IL1RAPL2: variants seen among roughly 807,000 people sequenced by gnomAD.
The protein encoded by IL1RAPL2 is interleukin 1 receptor accessory protein like 2, also known as X-linked interleukin-1 receptor accessory protein-like 2.
Under a neutral mutation model 44.1 loss-of-function variants are expected in IL1RAPL2, and 3 were observed. That is an observed-to-expected ratio of 0.07 (90% confidence interval 0.03 to 0.18). The LOEUF (loss-of-function observed/expected upper bound fraction) is 0.18, where lower values mean the gene tolerates loss of function less well. Among genes scored for constraint, IL1RAPL2 ranks in the 10% least tolerant of loss-of-function variants. IL1RAPL2 has a pLI of 1.00. For synonymous variants in IL1RAPL2, 181 were observed against 178.8 expected (o/e 1.01, Z -0.10); for missense variants, 391 against 496.4 (o/e 0.79, Z 2.02).
chrX:105,710,854 C>A (rs919571262), intron 6 of IL1RAPL2, among the ~76,000 whole-genome samples: 43 of 107,588 alleles, frequency 4.0e-4, no homozygotes, highest in African/African-American at 1.4e-3. Flanking sequence ...CAAGTGGGTA[C>A]TTGATATATT....
At chrX:104,719,590 A>G (rs1235422158) in intron 2 of IL1RAPL2, among the ~76,000 whole-genome samples, 4 of 111,603 alleles carry the variant, frequency 3.6e-5, no homozygotes, top group African/African-American at 1.3e-4. Context: ...TATTGGGTGC[A>G]TTGCTGGAGC....
At chrX:105,197,788 G>C (rs954657410) in intron 3 of IL1RAPL2, among the ~76,000 whole-genome samples, 2 of 110,256 alleles carry the variant, frequency 1.8e-5, no homozygotes, top group Admixed American at 1.9e-4. Context: ...TTAGGCTCAA[G>C]GGTATATGTG....
chrX:105,384,902 A>G (rs754608791), intron 5 of IL1RAPL2, among the ~76,000 whole-genome samples: 13 of 110,834 alleles, frequency 1.2e-4, no homozygotes, highest in Non-Finnish European at 2.5e-4. Flanking sequence ...TATTTTTCAG[A>G]TTGTTTACTG....
chrX:104,655,699 G>A (rs140587722), intron 1 of IL1RAPL2, among the ~76,000 whole-genome samples: 1,694 of 111,630 alleles, frequency 0.015, 11 homozygotes, highest in Non-Finnish European at 0.023. Flanking sequence ...AATGAGTTAG[G>A]GAGGATTCCC....
intron 2 of IL1RAPL2, among the ~76,000 whole-genome samples, chrX:104,924,044 TAAA>T (rs57049694): frequency 6.0e-4 from 58 of 97,273 alleles, no homozygotes; most frequent in African/African-American, 2.1e-3. Flanking sequence ...ATAACAATAG[TAAA>T]AAAAAAAAAG....
chrX:104,612,733 T>C (rs753351493), intron 1 of IL1RAPL2, among the ~76,000 whole-genome samples: 14 of 111,737 alleles, frequency 1.3e-4, no homozygotes, highest in African/African-American at 4.5e-4. Flanking sequence ...GGTAGTTTGA[T>C]AGGAATAGCA....
In IL1RAPL2 at chrX:105,767,583, T is replaced by C; in HGVS notation, c.1983T>C (p.Asp661=). ...TACCCCTTAATAACACCCTGAAAGA[T>C]ACCCAGGAATTTCACAGGAACAGTT... ...GQLPLNNTLK[D]TQEFHRNSSL... Residue 661 remains aspartate (D), a synonymous_variant, in exon 11 of 11, where the codon GAT becomes GAC. Transcript: ENST00000372582. The C allele has an allele frequency of 1.7e-6, 2 of 1,210,424 alleles. No homozygotes were observed. The highest frequency in any genetic ancestry group is 2.2e-6 in the Non-Finnish European group (2 of 894,405).
intron 5 of IL1RAPL2, among the ~76,000 whole-genome samples, chrX:105,417,732 T>C (rs746984505): frequency 1.8e-5 from 2 of 111,771 alleles, no homozygotes; most frequent in East Asian, 5.7e-4. Flanking sequence ...CTAGATCTTA[T>C]CCTCAAGAAG....
intron 2 of IL1RAPL2, among the ~76,000 whole-genome samples, chrX:104,674,685 C>G (rs1418269692): frequency 4.6e-5 from 5 of 109,838 alleles, no homozygotes; most frequent in Non-Finnish European, 9.5e-5. Context: ...CCAGTTCCTC[C>G]TTGTACCTCT....
At chrX:105,219,957 A>T in intron 3 of IL1RAPL2, 1 of 1,191,583 alleles carries the variant, frequency 8.4e-7, no homozygotes, top group Non-Finnish European at 1.1e-6. Context: ...GCGGCTTCCA[A>T]CTCACCTTGT....
chrX:105,512,934 A>G, intron 6 of IL1RAPL2, among the ~76,000 whole-genome samples: 1 of 109,617 alleles, frequency 9.1e-6, no homozygotes, highest in Admixed American at 9.7e-5. Context: ...CCCAACCCCC[A>G]ACATGCCCTG....
chrX:105,247,113 G>A (rs1257441750), intron 4 of IL1RAPL2, among the ~76,000 whole-genome samples: 2 of 111,187 alleles, frequency 1.8e-5, no homozygotes, highest in Non-Finnish European at 3.8e-5. Context: ...GGAATGCAAG[G>A]GATATGTGGG....
At chrX:105,371,561 A>C (rs1257234847) in intron 5 of IL1RAPL2, among the ~76,000 whole-genome samples, 2 of 111,833 alleles carry the variant, frequency 1.8e-5, no homozygotes, top group Non-Finnish European at 1.9e-5. Context: ...TATTTGGTAT[A>C]TATTTTTCAG....
chrX:105,033,662 T>C (rs1376523999), intron 2 of IL1RAPL2, among the ~76,000 whole-genome samples: 1 of 111,667 alleles, frequency 9.0e-6, no homozygotes, highest in African/African-American at 3.3e-5. Flanking sequence ...TAACATTTTT[T>C]CCTTCATTTC....
At chrX:104,755,283 C>A (rs1456915942) in intron 2 of IL1RAPL2, among the ~76,000 whole-genome samples, 1 of 110,151 alleles carries the variant, frequency 9.1e-6, no homozygotes, top group African/African-American at 3.3e-5. Context: ...CTTGTGGCAA[C>A]CCTATGATAC....
chrX:105,643,201 G>T (rs2037581285), intron 6 of IL1RAPL2, among the ~76,000 whole-genome samples: 1 of 111,980 alleles, frequency 8.9e-6, no homozygotes, highest in African/African-American at 3.3e-5. Flanking sequence ...GCAGGTGTTT[G>T]TAACGGTGAT....
chrX:104,662,802 T>C (rs1238689452), intron 2 of IL1RAPL2, among the ~76,000 whole-genome samples: 1 of 112,212 alleles, frequency 8.9e-6, no homozygotes, highest in Non-Finnish European at 1.9e-5. Context: ...AGCCATGTTA[T>C]GCAGTTGTTG....
intron 1 of IL1RAPL2, among the ~76,000 whole-genome samples, chrX:104,646,746 G>A (rs921115081): frequency 9.9e-5 from 11 of 111,163 alleles, no homozygotes; most frequent in Admixed American, 1.9e-4. Flanking sequence ...TGTGGAAGGC[G>A]TCACATTGAC....
intron 2 of IL1RAPL2, among the ~76,000 whole-genome samples, chrX:104,911,716 G>A (rs5917174): frequency 0.43 from 47,434 of 110,045 alleles, 7,417 homozygotes; most frequent in East Asian, 0.46. Flanking sequence ...CTCTCACCCT[G>A]GTCTACAAGT....
Sources: gnomAD v4.1 joint callset for allele counts (sites outside exome capture counted in the v4.1 genomes callset) on GRCh38, gnomAD v4.1.1 for gene constraint, MANE v1.5 for transcripts, NCBI Gene and HGNC (gene_info 2026-07-23, HGNC 2026-07-21) for gene names.